CDK8: variants seen among roughly 807,000 people sequenced by gnomAD.
CDK8 encodes the protein cyclin-dependent kinase 8.
Under a neutral mutation model 71.5 loss-of-function variants are expected in CDK8, and 29 were observed. The observed-to-expected ratio is 0.41, with a 90% confidence interval of 0.30 to 0.55. The LOEUF (loss-of-function observed/expected upper bound fraction) is 0.55, where lower values mean the gene tolerates loss of function less well. CDK8 is among the 20% of genes least tolerant of loss of function. The pLI is 0.37. For synonymous variants in CDK8, 161 were observed against 192.1 expected, an observed-to-expected ratio of 0.84 and a Z score of 1.34; for missense variants, 288 against 572.6, an observed-to-expected ratio of 0.50 and a Z score of 5.07.
intron 4 of CDK8, among the ~76,000 whole-genome samples, chr13:26,366,902 C>A (rs1874416821): frequency 6.6e-6 from 1 of 152,084 alleles, no homozygotes; most frequent in African/African-American, 2.4e-5. Flanking sequence ...GACTAATAGG[C>A]CTTAAAGTTG....
intron 1 of CDK8, among the ~76,000 whole-genome samples, chr13:26,327,007 C>T (rs1466931324): frequency 3.3e-5 from 5 of 152,106 alleles, no homozygotes; most frequent in South Asian, 2.1e-4. Context: ...GACAAATCTA[C>T]GTGGCCCTTT....
chr13:26,381,053 G>A (rs17083971), intron 4 of CDK8, among the ~76,000 whole-genome samples: 12,087 of 152,222 alleles, frequency 0.079, 1,574 homozygotes, highest in African/African-American at 0.27. Context: ...CTGGCAGCAG[G>A]ACTGAAGATG....
intron 4 of CDK8, among the ~76,000 whole-genome samples, chr13:26,370,943 AT>A (rs1045409816): frequency 1.0e-4 from 15 of 150,526 alleles, no homozygotes; most frequent in South Asian, 2.1e-4. Flanking sequence ...TTTTTGTTTA[AT>A]TTTTTTTTTA....
intron 1 of CDK8, among the ~76,000 whole-genome samples, chr13:26,262,845 T>A (rs1451944516): frequency 1.3e-5 from 2 of 152,128 alleles, no homozygotes; most frequent in Admixed American, 1.3e-4. Context: ...AGTAAAAAAT[T>A]ATTTAGACTA....
chr13:26,326,687 A>G (rs1191254113), intron 1 of CDK8, among the ~76,000 whole-genome samples: 2 of 152,166 alleles, frequency 1.3e-5, no homozygotes, highest in Non-Finnish European at 2.9e-5. Context: ...ATCTGTTGCG[A>G]TGCTATAATT....
chr13:26,320,448 A>T (rs1287277479), intron 1 of CDK8, among the ~76,000 whole-genome samples: 1 of 151,828 alleles, frequency 6.6e-6, no homozygotes, highest in Non-Finnish European at 1.5e-5. Context: ...AAACAATGAA[A>T]CTCTTAGAAG....
At chr13:26,396,910 GT>G (rs1876021269) in intron 8 of CDK8, among the ~76,000 whole-genome samples, 1 of 151,966 alleles carries the variant, frequency 6.6e-6, no homozygotes, top group Admixed American at 6.6e-5. Flanking sequence ...AAAAAAAGCT[GT>G]TTAGTGTCTG....
In CDK8 at chr13:26,374,043, A is replaced by AAAT. The variant is rs147290719; in HGVS notation, c.457-8770_457-8769insATA. Among the ~76,000 whole-genome samples, 21 of 111,846 alleles carry AAAT rather than the reference A, an allele frequency of 1.9e-4. 2 individuals are homozygous for AAAT. The highest frequency in any genetic ancestry group is 8.7e-4 in the South Asian group (3 of 3,438). 73.4% of individuals were successfully genotyped at this position (111,846 alleles called of 152,430 possible). A position where few individuals can be genotyped will look rare whatever the true frequency, so the allele number is the denominator to read the frequency against. ...AAAAAAAAAAAAAAAAAAAACAAAA[A>AAAT]ACAAAAAATTAGCTGGGCGTGGTGG... On this transcript the variant is annotated intron_variant, in intron 4 of 12. Coordinates refer to ENST00000381527, the MANE Select transcript of CDK8 (RefSeq NM_001260.3).
chr13:26,297,560 T>A (rs1873615597), intron 1 of CDK8, among the ~76,000 whole-genome samples: 2 of 152,160 alleles, frequency 1.3e-5, no homozygotes, highest in African/African-American at 4.8e-5. Context: ...TAGGCTTTTT[T>A]AAATTGAGAG....
intron 8 of CDK8, among the ~76,000 whole-genome samples, chr13:26,396,644 C>T (rs1028261816): frequency 6.6e-6 from 1 of 152,036 alleles, no homozygotes; most frequent in Non-Finnish European, 1.5e-5. Flanking sequence ...AGAAGTATCA[C>T]AGCTGAATAA....
chr13:26,391,269 G>GC (rs1224575912), intron 6 of CDK8, among the ~76,000 whole-genome samples: 1 of 152,032 alleles, frequency 6.6e-6, no homozygotes, highest in Non-Finnish European at 1.5e-5. Context: ...AAGCAGTGTA[G>GC]CTTTGCATAC....
chr13:26,349,469 G>C (rs1873597908), intron 3 of CDK8, among the ~76,000 whole-genome samples: 1 of 152,054 alleles, frequency 6.6e-6, no homozygotes, highest in Admixed American at 6.5e-5. Flanking sequence ...AAAATAAAAA[G>C]TAACTAATAT....
At chr13:26,285,669 G>A (rs1050866763) in intron 1 of CDK8, among the ~76,000 whole-genome samples, 3 of 152,138 alleles carry the variant, frequency 2.0e-5, no homozygotes, top group Non-Finnish European at 2.9e-5. Context: ...AGGAAATAAA[G>A]CGGATCCACA....
At chr13:26,358,264 A>T (rs1199407996) in intron 4 of CDK8, among the ~76,000 whole-genome samples, 1 of 152,070 alleles carries the variant, frequency 6.6e-6, no homozygotes, top group South Asian at 2.1e-4. Flanking sequence ...GCGCCACTGC[A>T]CTCCAGCCTG....
At position 26,399,441 on chromosome 13, in the gene CDK8, A is replaced by C. The variant is rs80340498; in HGVS notation, c.934-1012A>C. The stretch of plus-strand genomic sequence containing the variant: ...GCTCCTACTCACATCTACCAATCAG[A>C]AACTCTGTGAGGAGGGCCCAGCAGT... On this transcript the variant is annotated intron_variant, in intron 9 of 12. Transcript: ENST00000381527. Among the ~76,000 whole-genome samples, 66 of 152,300 alleles carry C rather than the reference A, an allele frequency of 4.3e-4. No individual in the cohort carries two copies. The East Asian group carries it at 0.013, about 29-fold the overall frequency.
At chr13:26,265,492 G>A (rs1328886897) in intron 1 of CDK8, among the ~76,000 whole-genome samples, 3 of 152,140 alleles carry the variant, frequency 2.0e-5, no homozygotes, top group African/African-American at 7.2e-5. Context: ...GGTGAGAGAG[G>A]TAATATCACT....
intron 4 of CDK8, among the ~76,000 whole-genome samples, chr13:26,379,034 C>T (rs1875088970): frequency 6.6e-6 from 1 of 152,144 alleles, no homozygotes. Context: ...GTGTTTTTCT[C>T]TTAAGATTCC....
chr13:26,293,129 T>C (rs189863840), intron 1 of CDK8, among the ~76,000 whole-genome samples: 1 of 152,180 alleles, frequency 6.6e-6, no homozygotes. Flanking sequence ...TGTATTTTCT[T>C]TGTTTCTCTA....
At chr13:26,398,773 A>G (rs1019858606) in intron 9 of CDK8, among the ~76,000 whole-genome samples, 4 of 151,930 alleles carry the variant, frequency 2.6e-5, no homozygotes, top group African/African-American at 2.4e-5. Context: ...GGAGATTGAG[A>G]CCATCCTGGC....
Sources: gnomAD v4.1 joint callset for allele counts (sites outside exome capture counted in the v4.1 genomes callset) on GRCh38, gnomAD v4.1.1 for gene constraint, MANE v1.5 for transcripts, NCBI Gene and HGNC (gene_info 2026-07-23, HGNC 2026-07-21) for gene names.